Variants in ACADL observed in about 807,000 individuals in gnomAD.
ACADL encodes the protein acyl-CoA dehydrogenase long chain.
Under a neutral mutation model 56.9 loss-of-function variants are expected in ACADL, and 60 were observed. The observed-to-expected ratio is 1.05, with a 90% confidence interval of 0.86 to 1.31. The LOEUF is 1.31. Ranked by LOEUF, ACADL falls within the 50% of genes most tolerant of loss-of-function variation. ACADL has a pLI of 0.00. For missense variants in ACADL, 484 were observed against 525.5 expected, an observed-to-expected ratio of 0.92 and a Z score of 0.77; for synonymous variants, 158 against 179.7, an observed-to-expected ratio of 0.88 and a Z score of 0.97.
At position 210,223,891 on chromosome 2, in the gene ACADL, C is replaced by T. The variant is rs575191786; in HGVS notation, c.77+1296G>A. Among the ~76,000 whole-genome samples, 16 of 152,170 alleles carry T rather than the reference C, an allele frequency of 1.1e-4. No homozygotes were observed. In the South Asian group the frequency reaches 2.3e-3, roughly 22 times the overall value. On this transcript the variant is annotated intron_variant, in intron 1 of 10. Coordinates refer to ENST00000233710, the MANE Select transcript of ACADL (RefSeq NM_001608.4). ...GTAGATACCTTTCGATAACGACAGA[C>T]GGATAGATATAACCTACATAAACAA...
chr2:210,224,376 C>G, intron 1 of ACADL: 3 of 985,102 alleles, frequency 3.0e-6, no homozygotes, highest in Non-Finnish European at 3.6e-6. Context: ...TCATAGCTCT[C>G]AAATAAAATT....
chr2:210,206,204 G>A (rs149710433), intron 5 of ACADL, among the ~76,000 whole-genome samples: 1,641 of 152,226 alleles, frequency 0.011, 26 homozygotes, highest in African/African-American at 0.035. Context: ...TTGGGAGGCC[G>A]AGGCAAGAGG....
At position 210,188,804 on chromosome 2, in the gene ACADL, C is replaced by T; in HGVS notation, c.*157G>A. On this transcript the variant is annotated 3_prime_UTR_variant, in exon 11 of 11. Coordinates refer to ENST00000233710, the MANE Select transcript of ACADL (RefSeq NM_001608.4). ...TTTTGGCTTCAAAGATTTGTCCTTC[C>T]ACTGTGTTAATCTTATATTTATATT... The T allele has an allele frequency of 1.7e-6, 1 of 599,340 alleles. No individual in the cohort carries two copies. The allele number at this position is 599,340 out of a possible 1,614,324, so 37.1% of individuals were successfully genotyped here. A position where few individuals can be genotyped will look rare whatever the true frequency, so the allele number is the denominator to read the frequency against.
chr2:210,225,300 C>G lies in ACADL; in HGVS notation c.-37G>C. 1 of 1,537,168 alleles carries G rather than the reference C, an allele frequency of 6.5e-7. No individual in the cohort carries two copies. The highest frequency in any genetic ancestry group is 1.2e-5 in the South Asian group (1 of 83,810). ...AGGGGCGGCGGGGCGACGGAGGCGA[C>G]TCTGCGGCTACTCGGCGACTCGGGG... On this transcript the variant is annotated 5_prime_UTR_variant, in exon 1 of 11. Coordinates refer to ENST00000233710, the MANE Select transcript of ACADL (RefSeq NM_001608.4).
intron 4 of ACADL, among the ~76,000 whole-genome samples, chr2:210,215,225 C>G (rs1016543470): frequency 1.3e-5 from 2 of 152,180 alleles, no homozygotes; most frequent in Non-Finnish European, 2.9e-5. Flanking sequence ...CCTTTTACCA[C>G]TCAGCTCTGA....
chr2:210,194,311 A>G (rs1166944879), intron 9 of ACADL, among the ~76,000 whole-genome samples: 1 of 152,180 alleles, frequency 6.6e-6, no homozygotes, highest in Non-Finnish European at 1.5e-5. Context: ...TGGGATCATT[A>G]TATAAAGCAC....
Position 210,195,365 on chromosome 2 carries a change from A to G in ACADL, c.985-27T>C, listed in dbSNP as rs1399878637. 1.9e-6 allele frequency: 3 copies of G among 1,600,500 alleles called. No individual in the cohort carries two copies. In the African/African-American group the frequency reaches 4.0e-5, roughly 21 times the overall value. On this transcript the variant is annotated intron_variant, in intron 8 of 10. Transcript: ENST00000233710. ...TTGAATTTAAAGGAAATAAAAGAAAAAAGTGAGCATGGTAGAAATATAAAC... is the reference window on the plus strand; with the variant it reads ...TTGAATTTAAAGGAAATAAAAGAAAGAAGTGAGCATGGTAGAAATATAAAC...
chr2:210,196,601 C>G (rs963347219), intron 8 of ACADL, among the ~76,000 whole-genome samples: 3 of 152,118 alleles, frequency 2.0e-5, no homozygotes, highest in Non-Finnish European at 2.9e-5. Context: ...GACTCTTGAG[C>G]CTCCCTCAGG....
intron 2 of ACADL, among the ~76,000 whole-genome samples, chr2:210,220,301 G>A (rs1184423768): frequency 6.6e-6 from 1 of 152,098 alleles, no homozygotes; most frequent in Non-Finnish European, 1.5e-5. Context: ...TTTGCATTGT[G>A]CTGACTTTTT....
chr2:210,223,537 C>A (rs1351180039), intron 1 of ACADL, among the ~76,000 whole-genome samples: 1 of 152,152 alleles, frequency 6.6e-6, no homozygotes, highest in Non-Finnish European at 1.5e-5. Context: ...GCTGTTACAA[C>A]AAAACTGTAG....
chr2:210,203,400 G>A lies in ACADL; in HGVS notation c.915C>T (p.Phe305=), dbSNP rs1241773975. 1 of 1,608,238 alleles carries A rather than the reference G, an allele frequency of 6.2e-7. No homozygotes were observed. The part of the protein sequence containing the change: ...IADVAISASE[F]MFEETRNYVK... ...CATAGTTCCTGGTTTCTTCAAACAT[G>A]AATTCACTAGCTGAAATTGCCACAT... The change falls in exon 8 of 11, where the codon TTC becomes TTT. Residue 305 remains phenylalanine (F), a synonymous_variant. Transcript: ENST00000233710.
chr2:210,221,158 A>G (rs1349489064), intron 1 of ACADL, among the ~76,000 whole-genome samples: 1 of 152,202 alleles, frequency 6.6e-6, no homozygotes, highest in Admixed American at 6.5e-5. Context: ...CGGTAGAGTA[A>G]TACTGATAAA....
At chr2:210,222,508 CAAAAAAAAAA>C (rs797000679) in intron 1 of ACADL, among the ~76,000 whole-genome samples, 1 of 81,404 alleles carries the variant, frequency 1.2e-5, no homozygotes, top group African/African-American at 3.8e-5. Flanking sequence ...AACAAACAAA[CAAAAAAAAAA>C]AAAAAAGGAA....
chr2:210,214,802 TA>T (rs1389630937), intron 4 of ACADL, among the ~76,000 whole-genome samples: 2 of 152,200 alleles, frequency 1.3e-5, no homozygotes, highest in Admixed American at 1.3e-4. Context: ...AGAATGAAAT[TA>T]AAAGCAAATT....
At chr2:210,224,941 G>T in intron 1 of ACADL, 1 of 1,339,248 alleles carries the variant, frequency 7.5e-7, no homozygotes, top group South Asian at 1.8e-5. Flanking sequence ...GGCTTTCCCC[G>T]ACGTGGGCTC....
At position 210,188,903 on chromosome 2, in the gene ACADL, C is replaced by G. The variant is rs372809258; in HGVS notation, c.*58G>C. The G allele has an allele frequency of 1.1e-5, 13 of 1,234,546 alleles. No homozygotes were observed. The highest frequency in any genetic ancestry group is 1.6e-5 in the Non-Finnish European group (13 of 834,426). 76.5% of individuals were successfully genotyped at this position (1,234,546 alleles called of 1,614,324 possible). On this transcript the variant is annotated 3_prime_UTR_variant, in exon 11 of 11. Coordinates refer to ENST00000233710, the MANE Select transcript of ACADL (RefSeq NM_001608.4). ...CCTCGCTTTCCAAGTTACATTTTATCTTGAGCAGATTTAAAACGAGATTAG... is the reference window on the plus strand; with the variant it reads ...CCTCGCTTTCCAAGTTACATTTTATGTTGAGCAGATTTAAAACGAGATTAG...
At chr2:210,195,390 C>T in intron 8 of ACADL, 52 bp from the exon 9 acceptor site, 1 of 1,529,750 alleles carries the variant, frequency 6.5e-7, no homozygotes, top group Non-Finnish European at 9.1e-7. Context: ...GAAATATAAA[C>T]TTCAACCCAC....
intron 8 of ACADL, among the ~76,000 whole-genome samples, chr2:210,196,255 T>C (rs1225586886): frequency 2.8e-5 from 2 of 71,574 alleles, no homozygotes; most frequent in Admixed American, 1.9e-4. Flanking sequence ...TGTGAGTCCA[T>C]TAAACCTCTT....
chr2:210,208,132 G>T (rs1240189689), intron 5 of ACADL, among the ~76,000 whole-genome samples: 1 of 151,992 alleles, frequency 6.6e-6, no homozygotes, highest in African/African-American at 2.4e-5. Flanking sequence ...TGTTTGTTTT[G>T]CATCACACAG....
Sources: gnomAD v4.1 joint callset for allele counts (sites outside exome capture counted in the v4.1 genomes callset) on GRCh38, gnomAD v4.1.1 for gene constraint, MANE v1.5 for transcripts, NCBI Gene and HGNC (gene_info 2026-07-23, HGNC 2026-07-21) for gene names.